The following FRMD4B variants were observed in gnomAD, a reference collection of about 807,000 sequenced individuals.
FRMD4B encodes the protein FERM domain-containing protein 4B.
A neutral mutation model predicts 141.5 loss-of-function variants in FRMD4B; 74 were observed. The observed-to-expected ratio is 0.52, with a 90% confidence interval of 0.43 to 0.63. The LOEUF (loss-of-function observed/expected upper bound fraction) is 0.63. Ranked by LOEUF, FRMD4B falls within the 30% of genes least tolerant of loss-of-function variation. The pLI is 0.00. For synonymous variants in FRMD4B, 506 were observed against 467.9 expected, an observed-to-expected ratio of 1.08 and a Z score of -1.05; for missense variants, 1,366 against 1,253.4, an observed-to-expected ratio of 1.09 and a Z score of -1.36.
chr3:69,422,448 A>G (rs1310531215), intron 2 of FRMD4B, among the ~76,000 whole-genome samples: 1 of 151,840 alleles, frequency 6.6e-6, no homozygotes, highest in African/African-American at 2.4e-5. Flanking sequence ...TTTTACTTCT[A>G]GTACTTACCC....
At chr3:69,242,087 A>T (rs1273853385) in intron 7 of FRMD4B, among the ~76,000 whole-genome samples, 1 of 152,168 alleles carries the variant, frequency 6.6e-6, no homozygotes, top group African/African-American at 2.4e-5. Context: ...GTGAGGATTA[A>T]ACATATTAAT....
intron 1 of FRMD4B, chr3:69,472,015 AACTTGCTTTT>A (rs1705901506): frequency 6.5e-6 from 1 of 153,076 alleles, no homozygotes; most frequent in African/African-American, 2.4e-5. Flanking sequence ...TATAAAAGAG[AACTTGCTTTT>A]ACTTGCAAAG....
At position 69,187,954 on chromosome 3, in the gene FRMD4B, G is replaced by C. The variant is rs755741820; in HGVS notation, c.1772-37C>G. ...AAATGGGTGAATGAAAAAATAAGTA[G>C]GCAAATTAATAGGTAAATAAATATC... On this transcript the variant is annotated intron_variant, in intron 18 of 22. Transcript: ENST00000398540. 9.3e-6 allele frequency: 11 copies of C among 1,180,658 alleles called. No homozygotes were observed. In the East Asian group the frequency reaches 1.6e-4, roughly 17 times the overall value. The allele number at this position is 1,180,658 out of a possible 1,614,324, so 73.1% of individuals were successfully genotyped here.
intron 22 of FRMD4B, 30 bp from the exon 23 acceptor site, chr3:69,172,011 T>C: frequency 1.2e-6 from 2 of 1,609,976 alleles, no homozygotes; most frequent in African/African-American, 1.3e-5. Flanking sequence ...AAGTTACTAC[T>C]TGTGGCCATA....
At chr3:69,458,393 A>C (rs1428665660) in intron 1 of FRMD4B, among the ~76,000 whole-genome samples, 1 of 152,170 alleles carries the variant, frequency 6.6e-6, no homozygotes, top group Admixed American at 6.5e-5. Flanking sequence ...GAAAGATGGG[A>C]AAATATAGGA....
intron 1 of FRMD4B, among the ~76,000 whole-genome samples, chr3:69,530,744 A>G (rs1700999047): frequency 6.6e-6 from 1 of 152,218 alleles, no homozygotes. Flanking sequence ...AGAAAATCCT[A>G]TAATCCCTCC....
In FRMD4B at chr3:69,214,139, G is replaced by T. The variant is rs148611454; in HGVS notation, c.876+2124C>A. Among the ~76,000 whole-genome samples the T allele has an allele frequency of 6.2e-4, 95 of 152,196 alleles. No individual in the cohort carries two copies. In the East Asian group the frequency reaches 0.016, roughly 26 times the overall value. On this transcript the variant is annotated intron_variant, in intron 11 of 22. Transcript: ENST00000398540. ...ACAACCATAAAATGGGGAAAAGAGGGGGTTTTATTTATTTTCATAACTCAT... is the reference window on the plus strand; with the variant it reads ...ACAACCATAAAATGGGGAAAAGAGGTGGTTTTATTTATTTTCATAACTCAT...
chr3:69,238,898 A>G (rs1477319350), intron 7 of FRMD4B, among the ~76,000 whole-genome samples: 2 of 152,216 alleles, frequency 1.3e-5, no homozygotes, highest in Non-Finnish European at 2.9e-5. Flanking sequence ...GTCGATTATT[A>G]CTATTGAGAA....
At chr3:69,182,339 A>T (rs1470610850) in intron 20 of FRMD4B, among the ~76,000 whole-genome samples, 2 of 152,246 alleles carry the variant, frequency 1.3e-5, no homozygotes, top group Non-Finnish European at 2.9e-5. Flanking sequence ...TACTAACTTC[A>T]TCCTCACCAT....
At chr3:69,287,417 A>C (rs944660274) in intron 5 of FRMD4B, among the ~76,000 whole-genome samples, 15 of 152,256 alleles carry the variant, frequency 9.9e-5, no homozygotes, top group African/African-American at 3.6e-4. Flanking sequence ...ACCTTATTTA[A>C]AAAGATTTCT....
Position 69,181,292 on chromosome 3 carries a change from T to C in FRMD4B, c.2458A>G (p.Ser820Gly), listed in dbSNP as rs752893172. Residue 820 changes from serine (S) to glycine (G), a missense_variant, in exon 21 of 23, where the codon AGT (serine) becomes GGT (glycine). Physicochemically the swap from Ser to Gly is moderately conservative, Grantham distance 56. Transcript: ENST00000398540. ...TPYAECDFYY[S>G]GGYVYENDTE... Reference sequence around the variant, plus strand: ...TCATTCTCATAGACATAACCACCACTGTAATAAAAGTCACACTCTGCATAG... The same window carrying C: ...TCATTCTCATAGACATAACCACCACCGTAATAAAAGTCACACTCTGCATAG... The C allele has an allele frequency of 5.0e-6, 8 of 1,613,746 alleles. No individual in the cohort carries two copies. The East Asian group carries it at 1.8e-4, about 36-fold the overall frequency.
chr3:69,461,127 C>T lies in FRMD4B; in HGVS notation c.-128-28366G>A, dbSNP rs542433530. On this transcript the variant is annotated intron_variant, in intron 1 of 5. Transcript: ENST00000459638. ...TTTAGATCTAAAGCAGCTCTCTCTG[C>T]GTGTGATATCCCCTGTCAGTTCTTT... 1.1e-4 allele frequency among the ~76,000 whole-genome samples: 17 copies of T among 152,330 alleles called. No homozygotes were observed. In the East Asian group the frequency reaches 2.5e-3, roughly 22 times the overall value.
At chr3:69,358,014 C>T (rs978442579) in intron 1 of FRMD4B, among the ~76,000 whole-genome samples, 6 of 152,166 alleles carry the variant, frequency 3.9e-5, no homozygotes, top group Non-Finnish European at 8.8e-5. Context: ...AAATTTGCAG[C>T]CTGGACCTGG....
At chr3:69,470,049 A>G (rs1413019647) in intron 1 of FRMD4B, among the ~76,000 whole-genome samples, 1 of 152,230 alleles carries the variant, frequency 6.6e-6, no homozygotes, top group Non-Finnish European at 1.5e-5. Context: ...TGCAAAACAC[A>G]TTAGAGACTC....
intron 20 of FRMD4B, 42 bp from the exon 21 acceptor site, chr3:69,181,752 A>G: frequency 8.2e-7 from 1 of 1,215,300 alleles, no homozygotes; most frequent in Non-Finnish European, 1.2e-6. Context: ...CCAAGAAGAA[A>G]AGGAGGACCC....
Position 69,171,640 on chromosome 3 carries a change from G to T in FRMD4B, c.*221C>A. The T allele has an allele frequency of 2.0e-6, 1 of 490,312 alleles. No individual in the cohort carries two copies. Among genetic ancestry groups the T allele is most frequent in the Non-Finnish European group, 3.7e-6 (1 of 270,802 alleles). The allele number at this position is 490,312 out of a possible 1,614,324, so 30.4% of individuals were successfully genotyped here. A position where few individuals can be genotyped will look rare whatever the true frequency, so the allele number is the denominator to read the frequency against. On this transcript the variant is annotated 3_prime_UTR_variant, in exon 23 of 23. Transcript: ENST00000398540. ...CTTCAACATGTGGGCAGACCCTACAGTTACGTTAGTGCCTAGAGTTTGAAA... is the reference window on the plus strand; with the variant it reads ...CTTCAACATGTGGGCAGACCCTACATTTACGTTAGTGCCTAGAGTTTGAAA...
chr3:69,269,160 C>T (rs538328817), intron 5 of FRMD4B, among the ~76,000 whole-genome samples: 5 of 151,694 alleles, frequency 3.3e-5, no homozygotes, highest in Non-Finnish European at 7.4e-5. Flanking sequence ...AACTCCTAAC[C>T]TCAGGTGACC....
rs149181150 is a variant in FRMD4B, at chr3:69,449,609, C to T, written c.-128-16848G>A. 1.1e-4 allele frequency among the ~76,000 whole-genome samples: 17 copies of T among 152,288 alleles called. No homozygotes were observed. The East Asian group carries it at 3.3e-3, about 29-fold the overall frequency. On this transcript the variant is annotated intron_variant, in intron 1 of 5. Transcript: ENST00000459638. ...ACATTTTCTGGACAAGGAACCAAGG[C>T]CCAGACAAGTGAAATTATCAGCCTG...
intron 2 of FRMD4B, among the ~76,000 whole-genome samples, chr3:69,399,491 G>A (rs1291958945): frequency 6.6e-6 from 1 of 152,202 alleles, no homozygotes; most frequent in East Asian, 1.9e-4. Flanking sequence ...GGTTAAATTA[G>A]TAAACAAGTC....
Sources: gnomAD v4.1 joint callset for allele counts (sites outside exome capture counted in the v4.1 genomes callset) on GRCh38, gnomAD v4.1.1 for gene constraint, MANE v1.5 for transcripts, NCBI Gene and HGNC (gene_info 2026-07-23, HGNC 2026-07-21) for gene names.